LPCAT1: variants seen among roughly 807,000 people sequenced by gnomAD.
LPCAT1 encodes 1-acylglycerol-3-phosphate O-acyltransferase.
Under a neutral mutation model 60.9 loss-of-function variants are expected in LPCAT1, and 23 were observed. That is an observed-to-expected ratio of 0.38 (90% confidence interval 0.27 to 0.53). LPCAT1 has a LOEUF of 0.53. Ranked by LOEUF, LPCAT1 falls within the 20% of genes least tolerant of loss-of-function variation. The pLI is 0.82. For synonymous variants in LPCAT1, 340 were observed against 301.1 expected (o/e 1.13, Z -1.34); for missense variants, 622 against 723.6 (o/e 0.86, Z 1.61).
Position 1,479,694 on chromosome 5 carries a change from A to T in LPCAT1, c.762-19T>A, listed in dbSNP as rs991089709. ...TTCCAGCCTTAAAAACAGATTGCAC[A>T]ATGTTGAGCAGATTTACAACTCGGG... On this transcript the variant is annotated intron_variant, in intron 7 of 13. Coordinates refer to ENST00000283415, the MANE Select transcript of LPCAT1 (RefSeq NM_024830.5). 1 of 1,597,306 alleles carries T rather than the reference A, an allele frequency of 6.3e-7. No individual in the cohort carries two copies. The highest frequency in any genetic ancestry group is 1.3e-5 in the African/African-American group (1 of 74,564).
chr5:1,488,020 GGGA>G (rs1289496577), intron 5 of LPCAT1, among the ~76,000 whole-genome samples: 3 of 152,134 alleles, frequency 2.0e-5, no homozygotes, highest in African/African-American at 7.2e-5. Context: ...ATTTGCACCT[GGGA>G]TTCCCAGGCG....
At chr5:1,471,194 G>A (rs72717521) in intron 11 of LPCAT1, among the ~76,000 whole-genome samples, 27,039 of 152,206 alleles carry the variant, frequency 0.18, 2,953 homozygotes, top group Non-Finnish European at 0.25. Context: ...CACACGCGAT[G>A]CAATGCCTGC....
chr5:1,502,261 G>A lies in LPCAT1; in HGVS notation c.136-658C>T, dbSNP rs1736044320. Among the ~76,000 whole-genome samples, 1 of 151,796 alleles carries A rather than the reference G, an allele frequency of 6.6e-6. No individual in the cohort carries two copies. Among genetic ancestry groups the A allele is most frequent in the Non-Finnish European group, 1.5e-5 (1 of 67,936 alleles). On this transcript the variant is annotated intron_variant, in intron 1 of 13. Transcript: ENST00000283415. This position sits in a 1 kb window ranked among gnomAD's most constrained non-coding sequence, Gnocchi z 5.5. ...GCAGGACGCACCCCCAGGCAGCTCC[G>A]CCCCCCAGGACACACCCCCAGCCCC...
intron 1 of LPCAT1, among the ~76,000 whole-genome samples, chr5:1,511,671 T>C (rs1277872376): frequency 1.3e-5 from 2 of 152,200 alleles, no homozygotes; most frequent in African/African-American, 4.8e-5. Flanking sequence ...CTGCTTGAAT[T>C]CCTCTCTTGA....
At chr5:1,501,182 T>C (rs1735989251) in intron 2 of LPCAT1, among the ~76,000 whole-genome samples, 1 of 151,418 alleles carries the variant, frequency 6.6e-6, no homozygotes, top group Non-Finnish European at 1.5e-5. Flanking sequence ...TGTAGGGGGG[T>C]CTCTGTGCTC....
intron 13 of LPCAT1, among the ~76,000 whole-genome samples, chr5:1,464,720 G>A (rs1412944481): frequency 1.6e-5 from 2 of 124,948 alleles, no homozygotes; most frequent in African/African-American, 6.5e-5. Context: ...AGCACACACG[G>A]TAAACACACA....
In LPCAT1 at chr5:1,465,125, C is replaced by T. The variant is rs1010615511; in HGVS notation, c.1421-1290G>A. On this transcript the variant is annotated intron_variant, in intron 13 of 13. Transcript: ENST00000283415. Reference sequence around the variant, plus strand: ...TGGTAACCACACACATGCACACACACACAAAACAAGCGCAGGCACACGCGG... The same window carrying T: ...TGGTAACCACACACATGCACACACATACAAAACAAGCGCAGGCACACGCGG... 5.7e-5 allele frequency among the ~76,000 whole-genome samples: 8 copies of T among 141,182 alleles called. No homozygotes were observed. The East Asian group carries it at 1.7e-3, about 30-fold the overall frequency. The allele number at this position is 141,182 out of a possible 152,430, so 92.6% of individuals were successfully genotyped here.
chr5:1,464,128 G>C (rs1241203422), intron 13 of LPCAT1, among the ~76,000 whole-genome samples: 2 of 152,202 alleles, frequency 1.3e-5, no homozygotes, highest in Admixed American at 1.3e-4. Flanking sequence ...ATATATCCCG[G>C]GGACTTAGCA....
chr5:1,491,655 C>T (rs1735588495), intron 3 of LPCAT1, among the ~76,000 whole-genome samples: 1 of 152,118 alleles, frequency 6.6e-6, no homozygotes, highest in Non-Finnish European at 1.5e-5. Context: ...GTCACCACGC[C>T]GTGTGCACAG....
intron 7 of LPCAT1, 69 bp from the exon 8 acceptor site, chr5:1,479,744 C>T: frequency 8.0e-7 from 1 of 1,243,732 alleles, no homozygotes; most frequent in Non-Finnish European, 1.2e-6. Context: ...ACTCCCAATT[C>T]TGGGGTGAAA....
Position 1,476,957 on chromosome 5 carries a change from A to T in LPCAT1, c.899+447T>A, listed in dbSNP as rs1008569945. 2.6e-5 allele frequency among the ~76,000 whole-genome samples: 4 copies of T among 152,238 alleles called. No individual in the cohort carries two copies. The highest frequency in any genetic ancestry group is 9.6e-5 in the African/African-American group (4 of 41,454). On this transcript the variant is annotated intron_variant, in intron 9 of 13. Transcript: ENST00000283415. This position sits in a 1 kb window ranked among gnomAD's most constrained non-coding sequence, Gnocchi z 8.6. ...CTGCATGCACGACAACTGTGTAAGCAGCACAAGTCACCTTACAAGATTAAA... is the reference window on the plus strand; with the variant it reads ...CTGCATGCACGACAACTGTGTAAGCTGCACAAGTCACCTTACAAGATTAAA...
chr5:1,471,114 A>G (rs1370842659), intron 11 of LPCAT1, among the ~76,000 whole-genome samples, 190 bp from the exon 12 acceptor site: 3 of 152,176 alleles, frequency 2.0e-5, no homozygotes, highest in African/African-American at 7.2e-5. Context: ...TGTGCTGTGT[A>G]CACTTCTTGG....
At chr5:1,515,979 G>A (rs4975655) in intron 1 of LPCAT1, among the ~76,000 whole-genome samples, 37,581 of 152,250 alleles carry the variant, frequency 0.25, 5,557 homozygotes, top group Non-Finnish European at 0.32. Context: ...GGGTAGAATG[G>A]GAGTGGGCAG....
At chr5:1,500,775 A>G (rs1315530661) in intron 2 of LPCAT1, among the ~76,000 whole-genome samples, 1 of 152,218 alleles carries the variant, frequency 6.6e-6, no homozygotes, top group Non-Finnish European at 1.5e-5. Flanking sequence ...CCCAATTTTA[A>G]TAAGACCAGG....
intron 1 of LPCAT1, among the ~76,000 whole-genome samples, chr5:1,506,426 CACCT>C (rs753213544): frequency 1.8e-4 from 28 of 152,336 alleles, no homozygotes; most frequent in Admixed American, 3.3e-4. Flanking sequence ...ACCTTCTGCC[CACCT>C]GTCTCCACAG....
intron 2 of LPCAT1, 55 bp from the exon 3 acceptor site, chr5:1,494,969 T>G: frequency 6.7e-7 from 1 of 1,498,316 alleles, no homozygotes. Flanking sequence ...TCGGAGTCTG[T>G]GTGAGGCACA....
chr5:1,468,892 T>G (rs997296493), intron 12 of LPCAT1, among the ~76,000 whole-genome samples: 5 of 152,212 alleles, frequency 3.3e-5, no homozygotes, highest in Non-Finnish European at 7.3e-5. Flanking sequence ...CACACGAGAC[T>G]GCTCCGTGGA....
chr5:1,468,360 C>CG (rs764908967), intron 12 of LPCAT1, among the ~76,000 whole-genome samples: 1 of 152,222 alleles, frequency 6.6e-6, no homozygotes, highest in Admixed American at 6.5e-5. Context: ...AGCCTCAGAA[C>CG]GGGCCGGGTC....
chr5:1,499,526 T>C (rs748783423), intron 2 of LPCAT1, among the ~76,000 whole-genome samples: 1 of 152,200 alleles, frequency 6.6e-6, no homozygotes, highest in Non-Finnish European at 1.5e-5. Context: ...AATTCCTATT[T>C]TATGGTTAAA....
Sources: gnomAD v4.1 joint callset for allele counts (sites outside exome capture counted in the v4.1 genomes callset) on GRCh38, gnomAD v4.1.1 for gene constraint, Gnocchi (gnomAD v3.1) non-coding constraint, MANE v1.5 for transcripts, NCBI Gene and HGNC (gene_info 2026-07-23, HGNC 2026-07-21) for gene names.